Variants in STXBP6 observed in about 807,000 individuals in gnomAD.
STXBP6 encodes the protein syntaxin binding protein 6, also known as syntaxin-binding protein 6.
STXBP6 carries 21 observed loss-of-function variants against 26.9 expected under a neutral mutation model. That is an observed-to-expected ratio of 0.78 (90% confidence interval 0.55 to 1.12). STXBP6 has a LOEUF of 1.12. Among genes scored for constraint, STXBP6 ranks in the 50% most tolerant of loss-of-function variants. The pLI, the probability that STXBP6 is intolerant of heterozygous loss-of-function variation, is 0.00. For missense variants in STXBP6, 232 were observed against 257.9 expected (o/e 0.90, Z 0.69); for synonymous variants, 97 against 92.6 (o/e 1.05, Z -0.27).
At chr14:24,999,759 G>A (rs897704339) in intron 1 of STXBP6, among the ~76,000 whole-genome samples, 16 of 152,192 alleles carry the variant, frequency 1.1e-4, no homozygotes, top group South Asian at 1.0e-3. Flanking sequence ...CAGTCTCCTC[G>A]GAGCAGTATC....
At chr14:24,856,267 A>C (rs1013093937) in intron 3 of STXBP6, among the ~76,000 whole-genome samples, 166 bp from the exon 4 acceptor site, 4 of 152,098 alleles carry the variant, frequency 2.6e-5, no homozygotes, top group Non-Finnish European at 4.4e-5. Flanking sequence ...CTGTTTATGA[A>C]GCAAACCCCA....
intron 2 of STXBP6, among the ~76,000 whole-genome samples, chr14:24,973,375 CTTCCTTTTTT>C (rs2073955546): frequency 7.4e-6 from 1 of 135,058 alleles, no homozygotes; most frequent in Admixed American, 7.5e-5. Context: ...TAAAAGCTTT[CTTCCTTTTTT>C]TTTTTTTTTT....
chr14:25,033,463 A>T (rs998226289), intron 1 of STXBP6, among the ~76,000 whole-genome samples: 2 of 152,170 alleles, frequency 1.3e-5, no homozygotes, highest in Non-Finnish European at 2.9e-5. Flanking sequence ...AATCACTTCA[A>T]ATCCATGTTA....
chr14:25,046,677 TC>T (rs1478648204), intron 1 of STXBP6, among the ~76,000 whole-genome samples: 3 of 152,130 alleles, frequency 2.0e-5, no homozygotes, highest in Non-Finnish European at 4.4e-5. Context: ...TCAAGCAGGC[TC>T]CCACAGCCTC....
intron 1 of STXBP6, among the ~76,000 whole-genome samples, chr14:25,018,859 C>T (rs1595331445): frequency 6.6e-6 from 1 of 152,188 alleles, no homozygotes; most frequent in East Asian, 1.9e-4. Flanking sequence ...TAGCTACCAC[C>T]AACTAAGAAC....
chr14:24,858,652 C>T (rs561223877), intron 2 of STXBP6, among the ~76,000 whole-genome samples: 2 of 152,088 alleles, frequency 1.3e-5, no homozygotes, highest in Non-Finnish European at 2.9e-5. Context: ...GGCAGTATTA[C>T]CAGTCTGCCC....
At chr14:24,821,878 CTAT>C (rs1382002736) in intron 4 of STXBP6, among the ~76,000 whole-genome samples, 1 of 152,104 alleles carries the variant, frequency 6.6e-6, no homozygotes, top group Non-Finnish European at 1.5e-5. Context: ...TATTTTTCCT[CTAT>C]TGACTTAGAT....
intron 2 of STXBP6, among the ~76,000 whole-genome samples, chr14:24,964,161 T>C (rs2073650340): frequency 6.6e-6 from 1 of 151,912 alleles, no homozygotes; most frequent in Non-Finnish European, 1.5e-5. Context: ...AAGGATGCTG[T>C]GATCAAAGCA....
At chr14:24,903,455 T>G (rs1327976150) in intron 2 of STXBP6, among the ~76,000 whole-genome samples, 1 of 152,196 alleles carries the variant, frequency 6.6e-6, no homozygotes, top group African/African-American at 2.4e-5. Context: ...CTCTCTTCTA[T>G]AGTGTAAGCC....
At chr14:24,913,364 T>G (rs1236266218) in intron 2 of STXBP6, among the ~76,000 whole-genome samples, 1 of 152,180 alleles carries the variant, frequency 6.6e-6, no homozygotes, top group Admixed American at 6.5e-5. Context: ...CACAAAGAAA[T>G]GATAAATGTT....
chr14:24,865,913 G>A (rs1463049133), intron 2 of STXBP6, among the ~76,000 whole-genome samples: 1 of 152,168 alleles, frequency 6.6e-6, no homozygotes, highest in Non-Finnish European at 1.5e-5. Flanking sequence ...TTACTCGAAG[G>A]TAGAGTATGC....
chr14:25,047,024 G>T (rs935753652), intron 1 of STXBP6, among the ~76,000 whole-genome samples: 1 of 152,130 alleles, frequency 6.6e-6, no homozygotes, highest in African/African-American at 2.4e-5. Context: ...TCCTTCCAGG[G>T]CCTGGGTAAG....
rs578161280 is a variant in STXBP6, at chr14:24,938,845, G to A, written c.154+35820C>T. Among the ~76,000 whole-genome samples the A allele has an allele frequency of 9.9e-5, 15 of 152,236 alleles. No individual in the cohort carries two copies. In the East Asian group the frequency reaches 2.9e-3, roughly 29 times the overall value. On this transcript the variant is annotated intron_variant, in intron 2 of 5. Coordinates refer to ENST00000323944, the MANE Select transcript of STXBP6 (RefSeq NM_001394410.1). ...TCCTAACAGAAAACTCACTTTGCTG[G>A]TTTAAGGCACTTAACATGTATTCAA...
chr14:25,017,812 C>T (rs889436178), intron 1 of STXBP6, among the ~76,000 whole-genome samples: 3 of 152,176 alleles, frequency 2.0e-5, no homozygotes, highest in Non-Finnish European at 4.4e-5. Context: ...GGCCTTGGTT[C>T]ACAGTGGGCA....
chr14:24,888,291 C>T (rs560675627), intron 2 of STXBP6, among the ~76,000 whole-genome samples: 2 of 152,150 alleles, frequency 1.3e-5, no homozygotes, highest in East Asian at 1.9e-4. Flanking sequence ...CAAACAGGCA[C>T]AAGAAAGCTA....
chr14:24,844,952 T>C (rs1365925844), intron 4 of STXBP6, among the ~76,000 whole-genome samples: 1 of 152,016 alleles, frequency 6.6e-6, no homozygotes, highest in African/African-American at 2.4e-5. Flanking sequence ...GGAAGAGACA[T>C]ATCAAGGAAA....
chr14:24,991,040 A>T (rs2074459772), intron 1 of STXBP6, among the ~76,000 whole-genome samples: 1 of 151,222 alleles, frequency 6.6e-6, no homozygotes, highest in Non-Finnish European at 1.5e-5. Context: ...GACAGAAGAG[A>T]GAGGAGAGCA....
At chr14:24,911,433 A>G (rs1342003168) in intron 2 of STXBP6, among the ~76,000 whole-genome samples, 5 of 151,872 alleles carry the variant, frequency 3.3e-5, no homozygotes, top group Non-Finnish European at 7.4e-5. Context: ...AAAGGAAGGA[A>G]AGAAAGAAAC....
chr14:24,991,459 G>A (rs189025764), intron 1 of STXBP6, among the ~76,000 whole-genome samples: 26 of 152,266 alleles, frequency 1.7e-4, no homozygotes, highest in African/African-American at 5.5e-4. Flanking sequence ...AGATTAATGC[G>A]AATGTGTAAT....
Sources: allele counts gnomAD v4.1 joint callset (sites outside exome capture counted in the v4.1 genomes callset), GRCh38; gene constraint gnomAD v4.1.1; transcripts MANE v1.5; gene names NCBI Gene and HGNC (gene_info 2026-07-23, HGNC 2026-07-21).